The following DNAH8 variants were observed in gnomAD, a reference collection of about 807,000 sequenced individuals.
DNAH8 encodes the protein axonemal beta dynein heavy chain 8.
Under a neutral mutation model 562.1 loss-of-function variants are expected in DNAH8, and 382 were observed. The ratio of observed to expected loss-of-function variants is 0.68; its 90% CI spans 0.63 to 0.74. The LOEUF is 0.74. Among genes scored for constraint, DNAH8 ranks in the 30% least tolerant of loss-of-function variants. The pLI is 0.00. For missense variants in DNAH8, 5,203 were observed against 5,620.4 expected (o/e 0.93, Z 2.37); for synonymous variants, 1,881 against 1,919.4 (o/e 0.98, Z 0.52).
intron 83 of DNAH8, among the ~76,000 whole-genome samples, chr6:38,972,680 G>A (rs1362583599): frequency 6.6e-6 from 1 of 152,158 alleles, no homozygotes; most frequent in East Asian, 1.9e-4. Flanking sequence ...AGTGGGGTAA[G>A]TATTGATTAT....
intron 80 of DNAH8, among the ~76,000 whole-genome samples, chr6:38,948,753 G>A (rs1350796245): frequency 3.3e-5 from 5 of 152,180 alleles, no homozygotes; most frequent in South Asian, 4.1e-4. Flanking sequence ...GAACTTGGGC[G>A]TCAGTGAGCA....
At chr6:38,719,288 T>G (rs912415987) in intron 1 of DNAH8, among the ~76,000 whole-genome samples, 28 of 152,170 alleles carry the variant, frequency 1.8e-4, no homozygotes, top group Admixed American at 6.5e-5. Context: ...TACAAAGGTT[T>G]ATTGCATGAT....
intron 29 of DNAH8, among the ~76,000 whole-genome samples, chr6:38,826,611 A>C (rs142275781): frequency 1.3e-5 from 2 of 152,324 alleles, no homozygotes; most frequent in African/African-American, 4.8e-5. Context: ...ATGTTAATAT[A>C]TTAATAATGC....
At chr6:38,821,457 A>G (rs1487281662) in intron 26 of DNAH8, among the ~76,000 whole-genome samples, 1 of 152,164 alleles carries the variant, frequency 6.6e-6, no homozygotes, top group Non-Finnish European at 1.5e-5. Context: ...TTGCGGAAGA[A>G]ATTGATAAGA....
At chr6:38,818,705 G>T (rs1261965728) in intron 26 of DNAH8, among the ~76,000 whole-genome samples, 1 of 152,218 alleles carries the variant, frequency 6.6e-6, no homozygotes, top group Non-Finnish European at 1.5e-5. Flanking sequence ...AGTTTTGACT[G>T]CTCTCAACAA....
At chr6:38,803,376 T>G in intron 22 of DNAH8, 65 bp downstream of exon 22, 1 of 1,301,022 alleles carries the variant, frequency 7.7e-7, no homozygotes, top group Non-Finnish European at 1.1e-6. Context: ...GTAAGCACCT[T>G]CTGCTTAGCA....
rs767468885 is a variant in DNAH8, at chr6:38,761,702, G to A, written c.1516G>A (p.Val506Ile). ...SERMTSLFIK[V>I]TNQMVTACKA... is the part of the protein sequence containing the mutation. ...TATTTTGTACCTATATTTATTTCAGGTAACAAATCAAATGGTAACAGCATG... is the reference window on the plus strand; with the variant it reads ...TATTTTGTACCTATATTTATTTCAGATAACAAATCAAATGGTAACAGCATG... The change falls in exon 11 of 93, where the codon GTA becomes ATA. Residue 506 changes from valine (V) to isoleucine (I), a missense_variant and splice_region_variant. This residue lies in a region of DNAH8 where 2,176 missense variants were observed against 2,365.1 expected (regional missense o/e 0.92). Coordinates refer to ENST00000327475, the MANE Select transcript of DNAH8 (RefSeq NM_001206927.2). The A allele has an allele frequency of 2.0e-6, 3 of 1,473,608 alleles. No individual in the cohort carries two copies. The highest frequency in any genetic ancestry group is 1.5e-5 in the African/African-American group (1 of 68,046). The allele number at this position is 1,473,608 out of a possible 1,614,324, so 91.3% of individuals were successfully genotyped here.
In DNAH8 at chr6:38,909,755, T is replaced by C. The variant is rs183793272; in HGVS notation, c.9740+11T>C. Reference sequence around the variant, plus strand: ...AAGTTATTTCCAAAGGTAAGTGATATTACATAAGCACCATCGCTATGGAAC... The same window carrying C: ...AAGTTATTTCCAAAGGTAAGTGATACTACATAAGCACCATCGCTATGGAAC... On this transcript the variant is annotated intron_variant, in intron 65 of 92. Coordinates refer to ENST00000327475, the MANE Select transcript of DNAH8 (RefSeq NM_001206927.2). 652 of 1,604,996 alleles carry C rather than the reference T, an allele frequency of 4.1e-4. 1 individual carries two copies. In the African/African-American group the frequency reaches 7.9e-3, roughly 19 times the overall value.
intron 21 of DNAH8, among the ~76,000 whole-genome samples, chr6:38,794,790 C>T (rs935330844): frequency 1.1e-4 from 16 of 152,052 alleles, no homozygotes; most frequent in Non-Finnish European, 1.8e-4. Context: ...GGATTTAGTA[C>T]AGTTTATTTG....
chr6:38,849,757 T>C (rs1164700262), intron 37 of DNAH8, among the ~76,000 whole-genome samples: 4 of 152,266 alleles, frequency 2.6e-5, no homozygotes, highest in East Asian at 1.9e-4. Context: ...TCATAGTAAA[T>C]AGAAAATTTT....
In DNAH8 at chr6:38,826,325, A is replaced by C; in HGVS notation, c.4017A>C (p.Ala1339=). The change falls in exon 29 of 93, where the codon GCA becomes GCC. Residue 1339 remains alanine (A), a synonymous_variant. Coordinates refer to ENST00000327475, the MANE Select transcript of DNAH8 (RefSeq NM_001206927.2). The part of the protein sequence containing the change: ...PIRDLDDVRF[A]MEALSCIRDN... Reference sequence around the variant, plus strand: ...GTGATTTAGATGATGTCAGATTTGCAATGGAAGCCTTGTCTTGCATACGTG... The same window carrying C: ...GTGATTTAGATGATGTCAGATTTGCCATGGAAGCCTTGTCTTGCATACGTG... The C allele has an allele frequency of 6.2e-7, 1 of 1,613,692 alleles. No individual in the cohort carries two copies. The highest frequency in any genetic ancestry group is 8.5e-7 in the Non-Finnish European group (1 of 1,179,768).
intron 8 of DNAH8, among the ~76,000 whole-genome samples, chr6:38,747,221 A>G (rs1343704148): frequency 6.6e-6 from 1 of 152,088 alleles, no homozygotes; most frequent in Non-Finnish European, 1.5e-5. Flanking sequence ...CCCATTTTGT[A>G]TATAGAACAG....
intron 7 of DNAH8, among the ~76,000 whole-genome samples, chr6:38,739,696 G>T (rs189681312): frequency 3.5e-4 from 54 of 152,258 alleles, no homozygotes; most frequent in African/African-American, 1.3e-3. Context: ...GCCTTAAAAT[G>T]TCCTTGCGTT....
In DNAH8 at chr6:38,980,328, C is replaced by T. The variant is rs189511636; in HGVS notation, c.12835-2018C>T. 8.1e-4 allele frequency among the ~76,000 whole-genome samples: 123 copies of T among 152,208 alleles called. 1 individual carries two copies. The highest frequency in any genetic ancestry group is 1.9e-4 in the Non-Finnish European group (13 of 67,998). On this transcript the variant is annotated intron_variant, in intron 85 of 92. Transcript: ENST00000327475. The stretch of plus-strand genomic sequence containing the variant: ...GAAACATCTTAAAAAACCCACAAAA[C>T]AAAAACCAAGGCAACATGAATGCTG...
chr6:38,796,290 T>C (rs1738238), intron 21 of DNAH8, among the ~76,000 whole-genome samples: 97,886 of 151,508 alleles, frequency 0.65, 31,967 homozygotes, highest in East Asian at 0.84. Flanking sequence ...ATAGCAGTGC[T>C]GGCTGGGCAG....
At chr6:38,961,579 G>A (rs76601186) in intron 82 of DNAH8, among the ~76,000 whole-genome samples, 2,197 of 152,046 alleles carry the variant, frequency 0.014, 61 homozygotes, top group African/African-American at 0.049. Flanking sequence ...ACAACAATAA[G>A]AGAAAAACTT....
Position 38,842,861 on chromosome 6 carries a change from T to G in DNAH8, c.4803T>G (p.Asn1601Lys). 1 of 1,613,782 alleles carries G rather than the reference T, an allele frequency of 6.2e-7. No homozygotes were observed. Residue 1601 changes from asparagine to lysine, a missense_variant, in exon 35 of 93, where the codon AAT becomes AAG. Physicochemically the swap from Asn to Lys is moderately conservative, Grantham distance 94. This residue lies in a region of DNAH8 where 2,176 missense variants were observed against 2,365.1 expected (regional missense o/e 0.92). Coordinates refer to ENST00000327475, the MANE Select transcript of DNAH8 (RefSeq NM_001206927.2). ...DVESDSFCLR[N>K]IMEAPLLKHK... Reference sequence around the variant, plus strand: ...AATCTGATTCTTTTTGCCTTAGAAATATCATGGAAGCACCACTCCTTAAAC... The same window carrying G: ...AATCTGATTCTTTTTGCCTTAGAAAGATCATGGAAGCACCACTCCTTAAAC...
At chr6:38,744,371 C>T (rs34494185) in intron 8 of DNAH8, 9,288 of 151,936 alleles carry the variant, frequency 0.061, 326 homozygotes, top group South Asian at 0.11. Context: ...GGCAATGTAG[C>T]GAGACCCTAT....
At chr6:38,810,769 T>A (rs1418934892) in intron 24 of DNAH8, among the ~76,000 whole-genome samples, 1 of 152,182 alleles carries the variant, frequency 6.6e-6, no homozygotes, top group African/African-American at 2.4e-5. Flanking sequence ...AAATAATTTA[T>A]TTACTGGCAT....
Sources: gnomAD v4.1 joint callset for allele counts (sites outside exome capture counted in the v4.1 genomes callset) on GRCh38, gnomAD v4.1.1 for gene constraint, gnomAD v4.1.1 regional missense constraint, MANE v1.5 for transcripts, NCBI Gene and HGNC (gene_info 2026-07-23, HGNC 2026-07-21) for gene names.